HAUS1: variants seen among roughly 807,000 people sequenced by gnomAD.
HAUS1 encodes the protein HAUS augmin like complex subunit 1, also known as HAUS augmin-like complex subunit 1.
Under a neutral mutation model 38.6 loss-of-function variants are expected in HAUS1, and 25 were observed. The ratio of observed to expected loss-of-function variants is 0.65; its 90% CI spans 0.47 to 0.91. HAUS1 has a LOEUF of 0.91. Ranked by LOEUF, HAUS1 falls within the 40% of genes least tolerant of loss-of-function variation. The pLI, the probability that HAUS1 is intolerant of heterozygous loss-of-function variation, is 0.00. For synonymous variants in HAUS1, 109 were observed against 112.9 expected (o/e 0.97, Z 0.22); for missense variants, 325 against 328.4 (o/e 0.99, Z 0.08).
At chr18:46,111,885 C>CTTTTTTTTTTT (rs370593835) in intron 2 of HAUS1, among the ~76,000 whole-genome samples, 2 of 134,428 alleles carry the variant, frequency 1.5e-5, no homozygotes, top group African/African-American at 2.8e-5. Flanking sequence ...CTTTTCTTTT[C>CTTTTTTTTTTT]TTTTTTTTTT....
intron 4 of HAUS1, among the ~76,000 whole-genome samples, chr18:46,121,102 A>G (rs1015010120): frequency 3.9e-5 from 6 of 152,208 alleles, no homozygotes; most frequent in Non-Finnish European, 7.3e-5. Flanking sequence ...AAGTAATTTG[A>G]CGGTATGTAA....
At chr18:46,112,882 GTGTA>G (rs1568263490) in intron 2 of HAUS1, among the ~76,000 whole-genome samples, 6 of 103,324 alleles carry the variant, frequency 5.8e-5, no homozygotes, top group African/African-American at 2.6e-4. Flanking sequence ...TATATATAAT[GTGTA>G]TATATATTCC....
At chr18:46,109,000 G>C (rs1911548855) in intron 2 of HAUS1, among the ~76,000 whole-genome samples, 1 of 151,670 alleles carries the variant, frequency 6.6e-6, no homozygotes, top group Non-Finnish European at 1.5e-5. Context: ...GAACCTGGGA[G>C]GTGGAGCTTG....
intron 6 of HAUS1, 93 bp downstream of exon 6, chr18:46,123,457 T>C (rs1356238285): frequency 1.2e-6 from 1 of 839,558 alleles, no homozygotes; most frequent in South Asian, 1.5e-5. Flanking sequence ...TTTTATTCAC[T>C]GTGGACCTGA....
intron 2 of HAUS1, among the ~76,000 whole-genome samples, chr18:46,114,117 T>C (rs1045483959): frequency 6.6e-6 from 1 of 152,242 alleles, no homozygotes; most frequent in African/African-American, 2.4e-5. Context: ...CTGAGGTCAG[T>C]TAGATATTTG....
intron 2 of HAUS1, among the ~76,000 whole-genome samples, chr18:46,111,012 G>A (rs1025249039): frequency 6.6e-6 from 1 of 151,398 alleles, no homozygotes; most frequent in African/African-American, 2.4e-5. Flanking sequence ...GGGTAGCTGG[G>A]ACTACAGGCA....
rs1307750641 is a variant in HAUS1, at chr18:46,113,056, A to ATG, written c.206-5124_206-5123insGT. ...ATATAATATATATATTCCATATTAT[A>ATG]TATATAATATATATATTCCATATAT... On this transcript the variant is annotated intron_variant, in intron 2 of 8. Coordinates refer to ENST00000282058, the MANE Select transcript of HAUS1 (RefSeq NM_138443.4). Among the ~76,000 whole-genome samples, 421 of 134,146 alleles carry ATG rather than the reference A, an allele frequency of 3.1e-3. 2 individuals are homozygous for ATG. Among genetic ancestry groups the ATG allele is most frequent in the African/African-American group, 0.012 (410 of 35,122 alleles). The allele number at this position is 134,146 out of a possible 152,430, so 88.0% of individuals were successfully genotyped here.
At position 46,125,762 on chromosome 18, in the gene HAUS1, G is replaced by A. The variant is rs764526053; in HGVS notation, c.757G>A (p.Val253Met). ...TTTAAAGAATCCGTCTCTTGCTCAA[G>A]TGAAAATTGAAGAAGCAAAGCGAGA... ...DLMPNPSLAQ[V>M]KIEEAKRELD... Residue 253 changes from valine to methionine, a missense_variant, in exon 8 of 9, where the codon GTG becomes ATG. Transcript: ENST00000282058. 2 of 1,603,618 alleles carry A rather than the reference G, an allele frequency of 1.2e-6. No homozygotes were observed. The highest frequency in any genetic ancestry group is 1.7e-6 in the Non-Finnish European group (2 of 1,172,842).
intron 3 of HAUS1, among the ~76,000 whole-genome samples, chr18:46,119,481 A>G (rs1291329152): frequency 2.0e-5 from 3 of 151,998 alleles, no homozygotes; most frequent in South Asian, 4.1e-4. Flanking sequence ...ACATACTATC[A>G]TACAACTTAA....
In HAUS1 at chr18:46,113,090, A is replaced by T. The variant is rs948712687; in HGVS notation, c.206-5091A>T. Among the ~76,000 whole-genome samples, 147 of 81,072 alleles carry T rather than the reference A, an allele frequency of 1.8e-3. 1 individual carries two copies. Among genetic ancestry groups the T allele is most frequent in the East Asian group, 0.012 (54 of 4,664 alleles). The allele number at this position is 81,072 out of a possible 152,430, so 53.2% of individuals were successfully genotyped here. On this transcript the variant is annotated intron_variant, in intron 2 of 8. Coordinates refer to ENST00000282058, the MANE Select transcript of HAUS1 (RefSeq NM_138443.4). ...ATATATATTCCATATATATATATAT[A>T]TTTTTTGAGACAGGGTCTCACTCTG...
intron 4 of HAUS1, among the ~76,000 whole-genome samples, chr18:46,121,380 C>T (rs1471901636): frequency 6.6e-6 from 1 of 151,952 alleles, no homozygotes; most frequent in Admixed American, 6.6e-5. Flanking sequence ...TTAGCAGAGA[C>T]GGGGTTTCAC....
rs186986692 is a variant in HAUS1 at position 46,106,204 on chromosome 18, C to T, written c.205+836C>T. Among the ~76,000 whole-genome samples the T allele has an allele frequency of 8.2e-3, 1,256 of 152,288 alleles. 61 individuals carry two copies. The highest frequency in any genetic ancestry group is 0.077 in the Admixed American group (1,178 of 15,288). ...GTGCATTCAAGGCCGGGCACGGTGGCTTACGCCTGTAATCCCAGCACTTTG... is the reference window on the plus strand; with the variant it reads ...GTGCATTCAAGGCCGGGCACGGTGGTTTACGCCTGTAATCCCAGCACTTTG... On this transcript the variant is annotated intron_variant, in intron 2 of 8. Coordinates refer to ENST00000282058, the MANE Select transcript of HAUS1 (RefSeq NM_138443.4).
intron 2 of HAUS1, among the ~76,000 whole-genome samples, 153 bp from the exon 3 acceptor site, chr18:46,118,028 A>G (rs924081582): frequency 6.6e-6 from 1 of 152,226 alleles, no homozygotes; most frequent in Admixed American, 6.5e-5. Flanking sequence ...TTTTAAGAAT[A>G]GGTTGTACTG....
At chr18:46,116,522 T>C (rs1260014844) in intron 2 of HAUS1, among the ~76,000 whole-genome samples, 3 of 151,636 alleles carry the variant, frequency 2.0e-5, no homozygotes, top group Non-Finnish European at 4.4e-5. Context: ...GATTGTACCA[T>C]TGTACTCCAG....
In HAUS1 at chr18:46,122,505, G is replaced by C; in HGVS notation, c.515G>C (p.Arg172Thr). The stretch of plus-strand genomic sequence containing the variant: ...GCAGAGTTGCATCTGTCTACAGAAA[G>C]GGCCAAAGTTGATAATCGTCGTCAG... ...KKAELHLSTE[R>T]AKVDNRRQNM... The change falls in exon 5 of 9, where the codon AGG (arginine) becomes ACG (threonine). Residue 172 changes from arginine (R) to threonine (T), a missense_variant. Coordinates refer to ENST00000282058, the MANE Select transcript of HAUS1 (RefSeq NM_138443.4). The C allele has an allele frequency of 1.9e-6, 3 of 1,614,000 alleles. No homozygotes were observed. Among genetic ancestry groups the C allele is most frequent in the Non-Finnish European group, 2.5e-6 (3 of 1,179,950 alleles).
Position 46,104,429 on chromosome 18 carries a change from G to T in HAUS1, c.18G>T (p.Glu6Asp). The T allele has an allele frequency of 6.8e-7, 1 of 1,468,774 alleles. No homozygotes were observed. Among genetic ancestry groups the T allele is most frequent in the East Asian group, 2.8e-5 (1 of 35,130 alleles). The allele number at this position is 1,468,774 out of a possible 1,614,324, so 91.0% of individuals were successfully genotyped here. A position where few individuals can be genotyped will look rare whatever the true frequency, so the allele number is the denominator to read the frequency against. Reference sequence around the variant, plus strand: ...CCGCAGCTATGGAGCCGCAGGAGGAGAGAGAAACGCAGGTGATGGGGCGGG... The same window carrying T: ...CCGCAGCTATGGAGCCGCAGGAGGATAGAGAAACGCAGGTGATGGGGCGGG... Reference protein sequence around the residue: MEPQEERETQVAAWLK... With the variant: MEPQEDRETQVAAWLK... Residue 6 changes from glutamate (E) to aspartate (D), a missense_variant, in exon 1 of 9, where the codon GAG becomes GAT. Glu to Asp is a conservative substitution (Grantham distance 45). Transcript: ENST00000282058.
intron 3 of HAUS1, 28 bp downstream of exon 3, chr18:46,118,344 G>A (rs1463282312): frequency 1.2e-6 from 2 of 1,607,878 alleles, no homozygotes; most frequent in South Asian, 1.1e-5. Flanking sequence ...TTTAATTTCC[G>A]CAATCATATC....
chr18:46,121,250 C>T (rs980284386), intron 4 of HAUS1, among the ~76,000 whole-genome samples: 3 of 152,018 alleles, frequency 2.0e-5, no homozygotes, highest in East Asian at 1.9e-4. Flanking sequence ...AGTGCAATGG[C>T]GCGATCTCAG....
Position 46,125,820 on chromosome 18 carries a change from T to G in HAUS1, c.786+29T>G, listed in dbSNP as rs956507549. On this transcript the variant is annotated intron_variant, in intron 8 of 8. Transcript: ENST00000282058. ...AGTAGTTCCTGTAATTTTTTCAGAT[T>G]TTTTTAAAAAGAAAATAAATGCTAA... 3.4e-6 allele frequency: 5 copies of G among 1,463,986 alleles called. No individual in the cohort carries two copies. In the African/African-American group the frequency reaches 7.0e-5, roughly 21 times the overall value. The allele number at this position is 1,463,986 out of a possible 1,614,324, so 90.7% of individuals were successfully genotyped here.
Sources: gnomAD v4.1 joint callset for allele counts (sites outside exome capture counted in the v4.1 genomes callset) on GRCh38, gnomAD v4.1.1 for gene constraint, MANE v1.5 for transcripts, NCBI Gene and HGNC (gene_info 2026-07-23, HGNC 2026-07-21) for gene names.